The following INSL6 variants were observed in gnomAD, a reference collection of about 807,000 sequenced individuals.
INSL6 encodes insulin-like peptide INSL6.
INSL6 carries 16 observed loss-of-function variants against 9.4 expected under a neutral mutation model. The observed-to-expected ratio is 1.70, with a 90% confidence interval of 1.15 to 2.59. The LOEUF (loss-of-function observed/expected upper bound fraction) is 2.59. INSL6 is among the 30% of genes most tolerant of loss of function. INSL6 has a pLI of 0.00. For synonymous variants in INSL6, 154 were observed against 96.9 expected (o/e 1.59, Z -3.46); for missense variants, 391 against 257.3 (o/e 1.52, Z -3.56).
chr9:5,144,418 T>G (rs1418082756), intron 2 of INSL6, among the ~76,000 whole-genome samples: 1 of 151,866 alleles, frequency 6.6e-6, no homozygotes, highest in Admixed American at 6.6e-5. Context: ...GTTTTACTTC[T>G]GATTACGTAA....
At chr9:5,096,289 G>A in the INSL6 span, among the ~76,000 whole-genome samples, 3 of 152,040 alleles carry the variant, frequency 2.0e-5, no homozygotes, top group Admixed American at 2.0e-4. Flanking sequence ...TAAGACCAGG[G>A]ACCTTCAAAA....
At position 5,143,136 on chromosome 9, in the gene INSL6, T is replaced by C. The variant is rs144484995; in HGVS notation, c.377-9544A>G. On this transcript the variant is annotated intron_variant, in intron 2 of 3. Coordinates refer to the INSL6 transcript ENST00000649639. ...TTTGTACTGATGTTCATCAAGGATA[T>C]AGGCTTGAAGTTTTCTTTTTTTTGT... 3.9e-4 allele frequency among the ~76,000 whole-genome samples: 59 copies of C among 152,310 alleles called. 2 individuals are homozygous for C. In the East Asian group the frequency reaches 9.8e-3, roughly 25 times the overall value.
intron 1 of INSL6, among the ~76,000 whole-genome samples, chr9:5,172,791 G>A (rs1825212995): frequency 6.6e-6 from 1 of 152,026 alleles, no homozygotes. Flanking sequence ...AGCTGGGCGT[G>A]GTGGTGTGTG....
At chr9:5,173,144 T>A (rs998061548) in intron 1 of INSL6, among the ~76,000 whole-genome samples, 6 of 152,138 alleles carry the variant, frequency 3.9e-5, no homozygotes, top group African/African-American at 1.4e-4. Context: ...TGCAGAGAAA[T>A]AGGAACTAAT....
chr9:5,128,570 C>G (rs1181252112), intron 3 of INSL6, among the ~76,000 whole-genome samples: 1 of 151,816 alleles, frequency 6.6e-6, no homozygotes, highest in Non-Finnish European at 1.5e-5. Context: ...TCTAACATTG[C>G]TTTTTAAAAC....
intron 2 of INSL6, among the ~76,000 whole-genome samples, chr9:5,137,772 A>G (rs1824413249): frequency 2.0e-5 from 3 of 152,232 alleles, no homozygotes; most frequent in Admixed American, 2.0e-4. Flanking sequence ...TCTGTACAGC[A>G]AAAGAAACTA....
the INSL6 span, among the ~76,000 whole-genome samples, chr9:5,047,812 G>A: frequency 6.6e-6 from 1 of 151,984 alleles, no homozygotes; most frequent in African/African-American, 2.4e-5. Context: ...TATTGTCCAG[G>A]CTGGTTTCAA....
At chr9:5,126,185 G>T in intron 3 of INSL6, 3 of 555,986 alleles carry the variant, frequency 5.4e-6, no homozygotes, top group Non-Finnish European at 6.3e-6. Context: ...TTATGTTTTT[G>T]ATCCTAAAAG....
At chr9:5,018,616 G>A in the INSL6 span, among the ~76,000 whole-genome samples, 250 of 152,342 alleles carry the variant, frequency 1.6e-3, 1 homozygote, top group Non-Finnish European at 3.0e-3. Flanking sequence ...TAGGATTACA[G>A]GCTTGAGCCA....
At chr9:5,046,324 A>G in the INSL6 span, among the ~76,000 whole-genome samples, 1 of 152,194 alleles carries the variant, frequency 6.6e-6, no homozygotes, top group Non-Finnish European at 1.5e-5. Flanking sequence ...TATAAGATAC[A>G]TGATTTGTAG....
the INSL6 span, among the ~76,000 whole-genome samples, chr9:5,020,737 T>G: frequency 6.6e-6 from 1 of 152,116 alleles, no homozygotes; most frequent in South Asian, 2.1e-4. Context: ...GCCCTTCTGC[T>G]GGGAGCAGTG....
intron 2 of INSL6, among the ~76,000 whole-genome samples, chr9:5,135,776 G>A (rs896903691): frequency 3.9e-5 from 6 of 151,910 alleles, no homozygotes; most frequent in African/African-American, 1.5e-4. Flanking sequence ...TAAGATCAGA[G>A]CAGAACTGAG....
the INSL6 span, among the ~76,000 whole-genome samples, chr9:5,038,019 ATTGC>A: frequency 6.6e-6 from 1 of 151,966 alleles, no homozygotes; most frequent in Non-Finnish European, 1.5e-5. Flanking sequence ...AATGAACGAG[ATTGC>A]TTGCTTTAGC....
chr9:5,107,216 A>G, the INSL6 span, among the ~76,000 whole-genome samples: 2 of 152,134 alleles, frequency 1.3e-5, no homozygotes, highest in African/African-American at 4.8e-5. Flanking sequence ...AATATCTGAA[A>G]GATATTAAAT....
the INSL6 span, among the ~76,000 whole-genome samples, chr9:4,994,429 G>A: frequency 3.3e-5 from 5 of 152,158 alleles, no homozygotes; most frequent in African/African-American, 1.2e-4. Flanking sequence ...GCTCTGGAGT[G>A]GGACTTGAGG....
At chr9:5,009,293 T>C in the INSL6 span, among the ~76,000 whole-genome samples, 28 of 152,314 alleles carry the variant, frequency 1.8e-4, no homozygotes, top group South Asian at 5.2e-3. Context: ...AGAAAAATAC[T>C]GCTTCATGAT....
the INSL6 span, among the ~76,000 whole-genome samples, chr9:5,075,114 G>C: frequency 6.6e-6 from 1 of 152,032 alleles, no homozygotes; most frequent in Non-Finnish European, 1.5e-5. Flanking sequence ...AGAGAGGTGA[G>C]GAAGCTGCAG....
At chr9:5,007,625 C>T in the INSL6 span, among the ~76,000 whole-genome samples, 1 of 151,788 alleles carries the variant, frequency 6.6e-6, no homozygotes, top group Non-Finnish European at 1.5e-5. Flanking sequence ...ATTAGGTTGA[C>T]GCTAAAGTAA....
chr9:5,070,421 C>G, the INSL6 span, among the ~76,000 whole-genome samples: 7 of 152,172 alleles, frequency 4.6e-5, no homozygotes, highest in South Asian at 1.2e-3. Context: ...AGCCATCTCT[C>G]AGTGTCCATG....
Sources: allele counts gnomAD v4.1 joint callset (sites outside exome capture counted in the v4.1 genomes callset), GRCh38; gene constraint gnomAD v4.1.1; transcripts MANE v1.5; gene names NCBI Gene and HGNC (gene_info 2026-07-23, HGNC 2026-07-21).